Variants in ACIN1 observed in about 807,000 individuals in gnomAD.
The protein encoded by ACIN1 is apoptotic chromatin condensation inducer 1, also known as apoptotic chromatin condensation inducer in the nucleus.
A neutral mutation model predicts 146.6 loss-of-function variants in ACIN1; 16 were observed. The observed-to-expected ratio is 0.11, with a 90% CI of 0.07 to 0.17. ACIN1 has a LOEUF of 0.17. Ranked by LOEUF, ACIN1 falls within the 10% of genes least tolerant of loss-of-function variation. The pLI is 1.00. For missense variants in ACIN1, 1,357 were observed against 1,609.3 expected, an observed-to-expected ratio of 0.84 and a Z score of 2.68; for synonymous variants, 569 against 582.7, an observed-to-expected ratio of 0.98 and a Z score of 0.34.
chr14:23,081,852 G>C lies in ACIN1; in HGVS notation c.437-16C>G. ...GAGCTTTTTCCTATTGAATGAAAAA[G>C]AATCAAGTCAGATTCATGAAGTGAA... On this transcript the variant is annotated splice_polypyrimidine_tract_variant and intron_variant, in intron 4 of 18. Coordinates refer to ENST00000605057, the MANE Select transcript of ACIN1 (RefSeq NM_001386863.1). 3 of 1,595,004 alleles carry C rather than the reference G, an allele frequency of 1.9e-6. No homozygotes were observed. The East Asian group carries it at 6.7e-5, about 36-fold the overall frequency.
At position 23,064,524 on chromosome 14, in the gene ACIN1, C is replaced by T. The variant is rs750976510; in HGVS notation, c.2309-36G>A. On this transcript the variant is annotated intron_variant, in intron 10 of 18. Transcript: ENST00000605057. ...GAAATAGACCCAACAGTTAGATGGT[C>T]TCAGGACCTCTGCTAGTTCAAACCG... The T allele has an allele frequency of 3.1e-6, 5 of 1,609,620 alleles. No homozygotes were observed. The South Asian group carries it at 4.4e-5, about 14-fold the overall frequency.
intron 8 of ACIN1, chr14:23,071,676 A>G: frequency 1.9e-6 from 2 of 1,040,980 alleles, no homozygotes; most frequent in East Asian, 2.7e-5. Context: ...GGCAGGCCAC[A>G]GGGAGCCGAC....
At chr14:23,081,630 A>C in intron 5 of ACIN1, 118 bp downstream of exon 5, 1 of 912,578 alleles carries the variant, frequency 1.1e-6, no homozygotes, top group Non-Finnish European at 1.6e-6. Flanking sequence ...ACTCTGTCCC[A>C]AAAAAGAAAA....
rs192262756 is a variant in ACIN1 at position 23,081,692 on chromosome 14, A to G, written c.525+56T>C. 248 of 1,425,670 alleles carry G rather than the reference A, an allele frequency of 1.7e-4. 2 individuals are homozygous for G. The highest frequency in any genetic ancestry group is 7.1e-4 in the Middle Eastern group (4 of 5,622). The allele number at this position is 1,425,670 out of a possible 1,614,324, so 88.3% of individuals were successfully genotyped here. On this transcript the variant is annotated intron_variant, in intron 5 of 18. Coordinates refer to ENST00000605057, the MANE Select transcript of ACIN1 (RefSeq NM_001386863.1). ...CAAACTCAAAACAAGTCTGAAGAAGAGAAGATATCCAAAGCATTACTGAAG... is the reference window on the plus strand; with the variant it reads ...CAAACTCAAAACAAGTCTGAAGAAGGGAAGATATCCAAAGCATTACTGAAG...
At chr14:23,062,047 A>T in intron 16 of ACIN1, 121 bp downstream of exon 16, 1 of 764,410 alleles carries the variant, frequency 1.3e-6, no homozygotes, top group Non-Finnish European at 2.2e-6. Context: ...AACCAAAGCC[A>T]GGGAAGAAGA....
chr14:23,092,238 ATGT>A (rs1477148556), intron 2 of ACIN1, among the ~76,000 whole-genome samples: 1 of 152,072 alleles, frequency 6.6e-6, no homozygotes, highest in Non-Finnish European at 1.5e-5. Context: ...AATACTTTCT[ATGT>A]TATTAGTCAT....
intron 4 of ACIN1, among the ~76,000 whole-genome samples, chr14:23,085,208 G>A (rs1392853563): frequency 2.0e-5 from 3 of 152,076 alleles, no homozygotes; most frequent in African/African-American, 7.2e-5. Flanking sequence ...GGGGGCGGGT[G>A]CCTGCAGTCC....
chr14:23,078,095 G>T (rs2047845545), intron 8 of ACIN1, 56 bp downstream of exon 8: 2 of 1,524,436 alleles, frequency 1.3e-6, no homozygotes, highest in South Asian at 2.3e-5. Flanking sequence ...AGGGAGCGAA[G>T]AACTATCGCA....
chr14:23,084,459 T>A (rs953978225), intron 4 of ACIN1, among the ~76,000 whole-genome samples: 1 of 151,592 alleles, frequency 6.6e-6, no homozygotes, highest in African/African-American at 2.4e-5. Context: ...ACAAAAAAAA[T>A]TTTAGCTGGG....
chr14:23,069,530 T>C lies in ACIN1; in HGVS notation c.2211A>G (p.Gln737=). 6.2e-7 allele frequency: 1 copy of C among 1,614,152 alleles called. No individual in the cohort carries two copies. Among genetic ancestry groups the C allele is most frequent in the South Asian group, 1.1e-5 (1 of 91,070 alleles). ...VPEPPMPIAD[Q]VSNDDRPEGS... Reference sequence around the variant, plus strand: ...CCTCCGGGCGGTCATCATTGCTGACTTGGTCTGCAATAGGCATGGGAGGTT... The same window carrying C: ...CCTCCGGGCGGTCATCATTGCTGACCTGGTCTGCAATAGGCATGGGAGGTT... The change falls in exon 9 of 19, where the codon CAA becomes CAG. Residue 737 remains glutamine (Q), a synonymous_variant. Transcript: ENST00000605057.
intron 9 of ACIN1, chr14:23,066,354 T>G (rs934264973): frequency 5.6e-6 from 1 of 178,678 alleles, no homozygotes; most frequent in Non-Finnish European, 1.2e-5. Flanking sequence ...TCATACCCCC[T>G]CTTTCACCGT....
intron 9 of ACIN1, 138 bp downstream of exon 9, chr14:23,069,338 G>C: frequency 6.9e-7 from 1 of 1,442,150 alleles, no homozygotes; most frequent in Non-Finnish European, 9.1e-7. Context: ...TTCTCCCTTG[G>C]CCCTATTCTG....
At chr14:23,078,041 T>G in intron 8 of ACIN1, 110 bp downstream of exon 8, 1 of 950,660 alleles carries the variant, frequency 1.1e-6, no homozygotes, top group Non-Finnish European at 1.6e-6. Flanking sequence ...AGCTCTGCCT[T>G]TATGTTTTAA....
intron 8 of ACIN1, 83 bp downstream of exon 8, chr14:23,078,068 C>T (rs915194036): frequency 2.8e-5 from 35 of 1,241,016 alleles, no homozygotes; most frequent in African/African-American, 6.0e-5. Context: ...ACTAGGACTG[C>T]TTAGTCAAAG....
intron 6 of ACIN1, 144 bp from the exon 7 acceptor site, chr14:23,079,182 A>G: frequency 1.1e-6 from 1 of 891,798 alleles, no homozygotes; most frequent in Non-Finnish European, 1.7e-6. Context: ...GTCTGTGTTT[A>G]TTCCCATTTA....
At chr14:23,065,100 T>C (rs546310129) in intron 10 of ACIN1, among the ~76,000 whole-genome samples, 22 of 152,316 alleles carry the variant, frequency 1.4e-4, no homozygotes, top group Non-Finnish European at 2.4e-4. Flanking sequence ...CACTATGTGA[T>C]ACTAACATCT....
intron 4 of ACIN1, among the ~76,000 whole-genome samples, chr14:23,085,835 T>A (rs749938629): frequency 6.6e-6 from 1 of 152,166 alleles, no homozygotes; most frequent in Non-Finnish European, 1.5e-5. Flanking sequence ...AGGGTGGAGC[T>A]GATACTGATA....
rs2047188769 is a variant in ACIN1 at position 23,059,241 on chromosome 14, T to G, written c.3759A>C (p.Glu1253Asp). The G allele has an allele frequency of 6.2e-7, 1 of 1,613,762 alleles. No individual in the cohort carries two copies. Among genetic ancestry groups the G allele is most frequent in the Non-Finnish European group, 8.5e-7 (1 of 1,179,810 alleles). Residue 1253 changes from glutamate to aspartate, a missense_variant, in exon 19 of 19, where the codon GAA (glutamate) becomes GAC (aspartate). Coordinates refer to ENST00000605057, the MANE Select transcript of ACIN1 (RefSeq NM_001386863.1). ...DRDRDRERDR[E>D]RGRERDRRDT... ...CCCTGCGATCCCTTTCCCTGCCTCG[T>G]TCTCGGTCCCTTTCCCTATCCCGAT... is the stretch of plus-strand genomic sequence containing the variant.
intron 1 of ACIN1, chr14:23,094,626 A>G (rs1317190202): frequency 4.3e-6 from 4 of 924,944 alleles, no homozygotes; most frequent in Non-Finnish European, 5.5e-6. Context: ...CCCTCAGGCC[A>G]GCAACGCCGT....
Sources: gnomAD v4.1 joint callset for allele counts (sites outside exome capture counted in the v4.1 genomes callset) on GRCh38, gnomAD v4.1.1 for gene constraint, MANE v1.5 for transcripts, NCBI Gene and HGNC (gene_info 2026-07-23, HGNC 2026-07-21) for gene names.